UBXN4: variants seen among roughly 807,000 people sequenced by gnomAD.
UBXN4 encodes the protein UBX domain protein 4.
UBXN4 carries 35 observed loss-of-function variants against 66.2 expected under a neutral mutation model. The observed-to-expected ratio is 0.53, with a 90% CI of 0.40 to 0.70. UBXN4 has a LOEUF of 0.70. Ranked by LOEUF, UBXN4 falls within the 30% of genes least tolerant of loss-of-function variation. The probability of loss-of-function intolerance (pLI) is 0.00; values close to 1 mark genes in which losing one functional copy is unlikely to be tolerated. For synonymous variants in UBXN4, 203 were observed against 204.5 expected (o/e 0.99, Z 0.06); for missense variants, 533 against 599.8 (o/e 0.89, Z 1.16).
Position 135,770,649 on chromosome 2 carries a change from T to C in UBXN4, c.736T>C (p.Leu246=). 1.3e-6 allele frequency: 2 copies of C among 1,574,394 alleles called. No individual in the cohort carries two copies. The highest frequency in any genetic ancestry group is 1.2e-5 in the South Asian group (1 of 83,510). The change falls in exon 8 of 13, where the codon TTA becomes CTA. Residue 246 remains leucine, a synonymous_variant. Coordinates refer to ENST00000272638, the MANE Select transcript of UBXN4 (RefSeq NM_014607.4). Reference sequence around the variant, plus strand: ...TTATAAAAGAAAACAAGAAGAAGAATTAACAAAAAGAATGCTGGAGGAAAG... The same window carrying C: ...TTATAAAAGAAAACAAGAAGAAGAACTAACAAAAAGAATGCTGGAGGAAAG... ...LDYKRKQEEE[L]TKRMLEERNR...
chr2:135,748,646 TC>T (rs2077223770), intron 2 of UBXN4, among the ~76,000 whole-genome samples: 1 of 150,424 alleles, frequency 6.6e-6, no homozygotes, highest in Non-Finnish European at 1.5e-5. Flanking sequence ...GATCACTTGA[TC>T]CCTGAAGACT....
At position 135,770,556 on chromosome 2, in the gene UBXN4, TTTTC is replaced by T. The variant is rs761086933; in HGVS notation, c.658-11_658-8del. 2.1e-6 allele frequency: 3 copies of T among 1,428,260 alleles called. No individual in the cohort carries two copies. The highest frequency in any genetic ancestry group is 2.8e-6 in the Non-Finnish European group (3 of 1,081,526). The allele number at this position is 1,428,260 out of a possible 1,614,324, so 88.5% of individuals were successfully genotyped here. Reference sequence around the variant, plus strand: ...TATCAAGTTTTTGGATCATAAAACTTTTTCTTTAATTCAGAGAGAAATTAAGAAG... The same window carrying T: ...TATCAAGTTTTTGGATCATAAAACTTTTTAATTCAGAGAGAAATTAAGAAG... On this transcript the variant is annotated splice_polypyrimidine_tract_variant and intron_variant, in intron 7 of 12. Transcript: ENST00000272638.
chr2:135,784,283 A>G lies in UBXN4; in HGVS notation c.*1396A>G, dbSNP rs1000516104. ...ACTGGAAACCAACTAAATGCCTTCT[A>G]TAGAAGTAATTTTTGATGAGGAGAA... On this transcript the variant is annotated 3_prime_UTR_variant, in exon 13 of 13. Coordinates refer to ENST00000272638, the MANE Select transcript of UBXN4 (RefSeq NM_014607.4). 10 of 152,208 alleles carry G rather than the reference A, an allele frequency of 6.6e-5. No individual in the cohort carries two copies. The highest frequency in any genetic ancestry group is 1.0e-4 in the Non-Finnish European group (7 of 68,016). 9.4% of individuals were successfully genotyped at this position (152,208 alleles called of 1,614,324 possible).
At chr2:135,770,802 C>A in intron 8 of UBXN4, 67 bp downstream of exon 8, 1 of 1,321,882 alleles carries the variant, frequency 7.6e-7, no homozygotes, top group South Asian at 2.8e-5. Context: ...AGATTACTAC[C>A]AGACTGTGCA....
chr2:135,782,750 G>C lies in UBXN4; in HGVS notation c.1390G>C (p.Glu464Gln), dbSNP rs1015388137. ...CTTGCTCCCTCTTTTTCGTATCAGG[G>C]AACCAGTGAGAAAAAGAGTGCTGGA... is the stretch of plus-strand genomic sequence containing the variant. Reference protein sequence around the residue: ...PASSSKSEKREPVRKRVLEKR... With the variant: ...PASSSKSEKRQPVRKRVLEKR... The change falls in exon 13 of 13, where the codon GAA becomes CAA. Residue 464 changes from glutamate (E) to glutamine (Q), a missense_variant and splice_region_variant. Coordinates refer to ENST00000272638, the MANE Select transcript of UBXN4 (RefSeq NM_014607.4). 3 of 1,611,786 alleles carry C rather than the reference G, an allele frequency of 1.9e-6. No individual in the cohort carries two copies. The highest frequency in any genetic ancestry group is 2.5e-6 in the Non-Finnish European group (3 of 1,179,272).
At chr2:135,748,087 C>T (rs2077220470) in intron 1 of UBXN4, 180 bp from the exon 2 acceptor site, 1 of 466,994 alleles carries the variant, frequency 2.1e-6, no homozygotes, top group East Asian at 3.5e-5. Flanking sequence ...CATTGCTCTT[C>T]ATGATGTGAA....
intron 1 of UBXN4, chr2:135,747,588 A>G (rs2077216520): frequency 4.4e-6 from 2 of 456,524 alleles, no homozygotes; most frequent in South Asian, 1.5e-5. Context: ...TGGAGTGGAG[A>G]TGTTGAACTC....
Position 135,775,451 on chromosome 2 carries a change from T to G in UBXN4, c.951-798T>G, listed in dbSNP as rs560682244. On this transcript the variant is annotated intron_variant, in intron 9 of 12. Coordinates refer to ENST00000272638, the MANE Select transcript of UBXN4 (RefSeq NM_014607.4). ...TAAACTGTATCTCATACAACAATGTTTTTCAGCAATAGGAATAAGAACTGA... is the reference window on the plus strand; with the variant it reads ...TAAACTGTATCTCATACAACAATGTGTTTCAGCAATAGGAATAAGAACTGA... Among the ~76,000 whole-genome samples, 9 of 152,288 alleles carry G rather than the reference T, an allele frequency of 5.9e-5. No individual in the cohort carries two copies. In the South Asian group the frequency reaches 1.9e-3, roughly 32 times the overall value.
intron 2 of UBXN4, among the ~76,000 whole-genome samples, chr2:135,752,032 A>T (rs1050601017): frequency 1.5e-5 from 2 of 129,636 alleles, no homozygotes; most frequent in African/African-American, 2.9e-5. Flanking sequence ...GCATTTTGAC[A>T]TACTTTTCTA....
Position 135,770,584 on chromosome 2 carries a change from A to G in UBXN4, c.671A>G (p.Lys224Arg). Residue 224 changes from lysine (K) to arginine (R), a missense_variant, in exon 8 of 13, where the codon AAG (lysine) becomes AGG (arginine). Physicochemically the swap from Lys to Arg is conservative, Grantham distance 26 (BLOSUM62 2). This residue lies in a region of UBXN4 where 529 missense variants were observed against 580.1 expected (regional missense o/e 0.91). Coordinates refer to ENST00000272638, the MANE Select transcript of UBXN4 (RefSeq NM_014607.4). ...RKEEEQREIK[K>R]EIERRKTGKE... ...TCTTTAATTCAGAGAGAAATTAAGAAGGAAATTGAGAGGAGAAAAACTGGA... is the reference window on the plus strand; with the variant it reads ...TCTTTAATTCAGAGAGAAATTAAGAGGGAAATTGAGAGGAGAAAAACTGGA... The G allele has an allele frequency of 1.3e-6, 2 of 1,503,266 alleles. No homozygotes were observed. Among genetic ancestry groups the G allele is most frequent in the Non-Finnish European group, 1.8e-6 (2 of 1,127,202 alleles). 93.1% of individuals were successfully genotyped at this position (1,503,266 alleles called of 1,614,324 possible).
At chr2:135,758,192 A>G (rs1428157246) in intron 5 of UBXN4, among the ~76,000 whole-genome samples, 1 of 151,654 alleles carries the variant, frequency 6.6e-6, no homozygotes, top group Non-Finnish European at 1.5e-5. Context: ...CTCCTGCCTC[A>G]GCCTGCTGAG....
chr2:135,778,859 C>A (rs2077433439), intron 10 of UBXN4, 89 bp from the exon 11 acceptor site: 3 of 1,318,192 alleles, frequency 2.3e-6, no homozygotes, highest in South Asian at 3.9e-5. Context: ...AAAATTAAGG[C>A]AATGTTAATT....
intron 1 of UBXN4, among the ~76,000 whole-genome samples, chr2:135,743,668 C>A (rs974565506): frequency 6.6e-6 from 1 of 152,024 alleles, no homozygotes; most frequent in Admixed American, 6.6e-5. Context: ...GTATAGAAAT[C>A]AGAAATTTGG....
intron 7 of UBXN4, among the ~76,000 whole-genome samples, chr2:135,770,258 G>A (rs570337197): frequency 6.6e-6 from 1 of 152,196 alleles, no homozygotes; most frequent in Admixed American, 6.5e-5. Context: ...ATATAGGAAG[G>A]TTACCATTTC....
At position 135,761,842 on chromosome 2, in the gene UBXN4, C is replaced by G; in HGVS notation, c.533C>G (p.Thr178Ser). Reference sequence around the variant, plus strand: ...GGAGGAGAAAGTGCAGGCCATGCCACTTCCTCTCAGGAGCCTAGTGGATGC... The same window carrying G: ...GGAGGAGAAAGTGCAGGCCATGCCAGTTCCTCTCAGGAGCCTAGTGGATGC... Reference protein sequence around the residue: ...ATGGESAGHATSSQEPSGCSD... With the variant: ...ATGGESAGHASSSQEPSGCSD... The change falls in exon 6 of 13, where the codon ACT becomes AGT. Residue 178 changes from threonine to serine, a missense_variant. Transcript: ENST00000272638. 1 of 1,612,940 alleles carries G rather than the reference C, an allele frequency of 6.2e-7. No homozygotes were observed. Among genetic ancestry groups the G allele is most frequent in the Non-Finnish European group, 8.5e-7 (1 of 1,179,652 alleles).
chr2:135,783,482 A>G lies in UBXN4; in HGVS notation c.*595A>G, dbSNP rs2077462570. 1 of 110,104 alleles carries G rather than the reference A, an allele frequency of 9.1e-6. No homozygotes were observed. Among genetic ancestry groups the G allele is most frequent in the Non-Finnish European group, 1.9e-5 (1 of 51,576 alleles). The allele number at this position is 110,104 out of a possible 1,614,324, so 6.8% of individuals were successfully genotyped here. Reference sequence around the variant, plus strand: ...TTGCACAGGGCTCTATTGAGGTCCTATGTCTCTGATTTTTTTTTTTCCCCA... The same window carrying G: ...TTGCACAGGGCTCTATTGAGGTCCTGTGTCTCTGATTTTTTTTTTTCCCCA... On this transcript the variant is annotated 3_prime_UTR_variant, in exon 13 of 13. Coordinates refer to ENST00000272638, the MANE Select transcript of UBXN4 (RefSeq NM_014607.4).
In UBXN4 at chr2:135,767,520, T is replaced by C. The variant is rs139851382; in HGVS notation, c.603-2249T>C. On this transcript the variant is annotated intron_variant, in intron 6 of 12. Coordinates refer to ENST00000272638, the MANE Select transcript of UBXN4 (RefSeq NM_014607.4). ...AACTTTGTGATGGAATCATGCAACG[T>C]GTATTTTTGTGTTTGATCTCCTTTG... Among the ~76,000 whole-genome samples the C allele has an allele frequency of 3.8e-3, 581 of 152,310 alleles. 1 individual carries two copies. The highest frequency in any genetic ancestry group is 0.017 in the Middle Eastern group (5 of 294).
chr2:135,770,557 T>C lies in UBXN4; in HGVS notation c.658-14T>C, dbSNP rs564342732. ...ATCAAGTTTTTGGATCATAAAACTT[T>C]TTCTTTAATTCAGAGAGAAATTAAG... On this transcript the variant is annotated splice_polypyrimidine_tract_variant and intron_variant, in intron 7 of 12. Transcript: ENST00000272638. 5.6e-6 allele frequency: 8 copies of C among 1,430,744 alleles called. No homozygotes were observed. The highest frequency in any genetic ancestry group is 2.9e-5 in the African/African-American group (2 of 68,860). The allele number at this position is 1,430,744 out of a possible 1,614,324, so 88.6% of individuals were successfully genotyped here. A position where few individuals can be genotyped will look rare whatever the true frequency, so the allele number is the denominator to read the frequency against.
chr2:135,761,745 A>G (rs2077317333), intron 5 of UBXN4, 73 bp from the exon 6 acceptor site: 1 of 1,274,582 alleles, frequency 7.8e-7, no homozygotes, highest in Non-Finnish European at 1.1e-6. Flanking sequence ...AGATGCTATA[A>G]TCTGAAAGAT....
Sources: gnomAD v4.1 joint callset for allele counts (sites outside exome capture counted in the v4.1 genomes callset) on GRCh38, gnomAD v4.1.1 for gene constraint, gnomAD v4.1.1 regional missense constraint, MANE v1.5 for transcripts, NCBI Gene and HGNC (gene_info 2026-07-23, HGNC 2026-07-21) for gene names.